The following NAV2 variants were observed in gnomAD, a reference collection of about 807,000 sequenced individuals.
The protein encoded by NAV2 is neuron navigator 2, also known as helicase, APC down-regulated 1.
NAV2 carries 54 observed loss-of-function variants against 223.2 expected under a neutral mutation model. The observed-to-expected ratio is 0.24, with a 90% CI of 0.19 to 0.30. The LOEUF (loss-of-function observed/expected upper bound fraction) is 0.30, where lower values mean the gene tolerates loss of function less well. Among genes scored for constraint, NAV2 ranks in the 10% least tolerant of loss-of-function variants. The pLI is 1.00. For synonymous variants in NAV2, 1,279 were observed against 1,239.3 expected (o/e 1.03, Z -0.67); for missense variants, 2,806 against 3,147.5 (o/e 0.89, Z 2.60).
At chr11:19,927,399 T>C (rs1435052669) in intron 6 of NAV2, among the ~76,000 whole-genome samples, 2 of 152,148 alleles carry the variant, frequency 1.3e-5, no homozygotes, top group Non-Finnish European at 2.9e-5. Flanking sequence ...CTGGCCAACA[T>C]GGTGAAACCC....
At chr11:19,893,411 G>C (rs2153149027) in intron 6 of NAV2, among the ~76,000 whole-genome samples, 1 of 152,256 alleles carries the variant, frequency 6.6e-6, no homozygotes, top group Admixed American at 6.5e-5. Flanking sequence ...ACCTGGTGGT[G>C]TAGAAGATTC....
At chr11:19,959,768 A>C (rs537354715) in intron 10 of NAV2, among the ~76,000 whole-genome samples, 1 of 152,324 alleles carries the variant, frequency 6.6e-6, no homozygotes, top group Admixed American at 6.5e-5. Flanking sequence ...ACTGATGTTC[A>C]TGTGGGAAGC....
rs775972790 is a variant in NAV2 at position 19,984,297 on chromosome 11, G to T, written c.2768+50G>T. On this transcript the variant is annotated intron_variant, in intron 11 of 37. Transcript: ENST00000349880. ...GTCAGATGCAGAGGTGATCCCAGGGGGGCCCTGAGAAATGAGGGTTATGAT... is the reference window on the plus strand; with the variant it reads ...GTCAGATGCAGAGGTGATCCCAGGGTGGCCCTGAGAAATGAGGGTTATGAT... 44 of 1,606,302 alleles carry T rather than the reference G, an allele frequency of 2.7e-5. No individual in the cohort carries two copies. In the African/African-American group the frequency reaches 5.6e-4, roughly 21 times the overall value.
At chr11:19,411,245 G>C (rs1470119000) in intron 1 of NAV2, among the ~76,000 whole-genome samples, 1 of 152,164 alleles carries the variant, frequency 6.6e-6, no homozygotes, top group Non-Finnish European at 1.5e-5. Context: ...AGGTACTTCA[G>C]TTCTGGACCA....
Position 19,933,460 on chromosome 11 carries a change from A to C in NAV2, c.1216A>C (p.Lys406Gln), listed in dbSNP as rs1317358150. The C allele has an allele frequency of 6.2e-7, 1 of 1,605,990 alleles. No individual in the cohort carries two copies. The highest frequency in any genetic ancestry group is 8.5e-7 in the Non-Finnish European group (1 of 1,176,538). ...TCAGAAGTCCATGCTGGAAAAGCTG[A>C]AACTTTTCAACAGTAAAGGGGGCTC... Reference protein sequence around the residue: ...NNQKSMLEKLKLFNSKGGSKA... With the variant: ...NNQKSMLEKLQLFNSKGGSKA... The change falls in exon 7 of 38, where the codon AAA becomes CAA. Residue 406 changes from lysine to glutamine, a missense_variant. Coordinates refer to ENST00000349880, the MANE Select transcript of NAV2 (RefSeq NM_145117.5). The surrounding 1 kb of genome is among the most constrained non-coding windows in gnomAD (Gnocchi z 4.3).
At chr11:19,959,827 G>T (rs2048200295) in intron 10 of NAV2, among the ~76,000 whole-genome samples, 1 of 152,154 alleles carries the variant, frequency 6.6e-6, no homozygotes, top group Non-Finnish European at 1.5e-5. Context: ...GGCGAGAGAA[G>T]CCCGCTGTGA....
chr11:19,407,150 C>A (rs1241130993), intron 1 of NAV2, among the ~76,000 whole-genome samples: 1 of 152,210 alleles, frequency 6.6e-6, no homozygotes, highest in Non-Finnish European at 1.5e-5. Flanking sequence ...TCTTTCTCTG[C>A]ATATTTACTC....
chr11:19,847,774 A>T (rs187000723), intron 3 of NAV2, among the ~76,000 whole-genome samples: 2 of 152,334 alleles, frequency 1.3e-5, no homozygotes, highest in Admixed American at 1.3e-4. Flanking sequence ...CTTTACAAAT[A>T]CAGCATGTCC....
chr11:19,621,035 T>G (rs1213076208), intron 1 of NAV2, among the ~76,000 whole-genome samples: 3 of 152,192 alleles, frequency 2.0e-5, no homozygotes, highest in African/African-American at 7.2e-5. Context: ...GTTTTTGTCT[T>G]TGATTCTGTT....
At chr11:19,518,923 C>T (rs143026703) in intron 1 of NAV2, among the ~76,000 whole-genome samples, 89 of 152,230 alleles carry the variant, frequency 5.8e-4, no homozygotes, top group African/African-American at 1.9e-3. Flanking sequence ...ATAAAAGGGA[C>T]CCCATAGAGC....
At chr11:19,535,379 C>T (rs146932348) in intron 1 of NAV2, among the ~76,000 whole-genome samples, 2 of 152,232 alleles carry the variant, frequency 1.3e-5, no homozygotes, top group East Asian at 3.9e-4. Context: ...CTAGAGGAGG[C>T]CCAGGTGGGG....
chr11:20,082,533 T>A (rs1263810251), intron 25 of NAV2: 2 of 1,587,884 alleles, frequency 1.3e-6, no homozygotes, highest in Non-Finnish European at 1.7e-6. Context: ...GCTTTCTCTG[T>A]TAAAAAATTG....
chr11:19,471,195 G>C (rs764626026), intron 1 of NAV2, among the ~76,000 whole-genome samples: 16 of 152,104 alleles, frequency 1.1e-4, no homozygotes, highest in Non-Finnish European at 2.2e-4. Context: ...CACTAAGGTA[G>C]GGATGGGGAT....
intron 1 of NAV2, among the ~76,000 whole-genome samples, chr11:19,779,867 C>T (rs1220440108): frequency 6.6e-6 from 1 of 152,130 alleles, no homozygotes; most frequent in African/African-American, 2.4e-5. Context: ...ATTAGTAGCC[C>T]TCAGCAGGAA....
chr11:19,723,467 T>C (rs2050938253), intron 1 of NAV2, among the ~76,000 whole-genome samples: 1 of 152,204 alleles, frequency 6.6e-6, no homozygotes, highest in African/African-American at 2.4e-5. Flanking sequence ...TTGCCAGTAA[T>C]TGAAGGAGGC....
chr11:19,981,643 A>G (rs896554133), intron 10 of NAV2, among the ~76,000 whole-genome samples: 10 of 152,254 alleles, frequency 6.6e-5, no homozygotes, highest in Non-Finnish European at 4.4e-5. Flanking sequence ...AATAGATGGT[A>G]TTTTGAAGAG....
intron 1 of NAV2, among the ~76,000 whole-genome samples, chr11:19,448,073 A>T (rs942228349): frequency 4.6e-5 from 7 of 152,142 alleles, no homozygotes; most frequent in African/African-American, 1.7e-4. Flanking sequence ...GGGACACACA[A>T]TCTGGTAAGG....
At chr11:19,484,355 A>G (rs1439551835) in intron 1 of NAV2, among the ~76,000 whole-genome samples, 1 of 152,182 alleles carries the variant, frequency 6.6e-6, no homozygotes, top group African/African-American at 2.4e-5. Context: ...CACCTCCTCC[A>G]AGGGAGCTTG....
chr11:19,892,161 G>A (rs1450263675), intron 5 of NAV2, among the ~76,000 whole-genome samples: 1 of 152,174 alleles, frequency 6.6e-6, no homozygotes, highest in African/African-American at 2.4e-5. Flanking sequence ...GTTTTGCCAT[G>A]TTGAACTTTG....
Sources: allele counts gnomAD v4.1 joint callset (sites outside exome capture counted in the v4.1 genomes callset), GRCh38; gene constraint gnomAD v4.1.1; non-coding constraint Gnocchi (gnomAD v3.1); transcripts MANE v1.5; gene names NCBI Gene and HGNC (gene_info 2026-07-23, HGNC 2026-07-21).